CLYBL: variants seen among roughly 807,000 people sequenced by gnomAD.
CLYBL encodes the protein citramalyl-CoA lyase, mitochondrial.
In CLYBL, 31 loss-of-function variants were observed where a neutral mutation model predicts 38.9. The observed-to-expected ratio is 0.80, with a 90% CI of 0.60 to 1.08. The LOEUF (loss-of-function observed/expected upper bound fraction) is 1.08, where lower values mean the gene tolerates loss of function less well. Among genes scored for constraint, CLYBL ranks in the 50% least tolerant of loss-of-function variants. CLYBL has a pLI of 0.00. For missense variants in CLYBL, 434 were observed against 411.6 expected, an observed-to-expected ratio of 1.05 and a Z score of -0.47; for synonymous variants, 171 against 158.6, an observed-to-expected ratio of 1.08 and a Z score of -0.59.
chr13:99,818,617 C>T (rs1197648558), intron 2 of CLYBL, among the ~76,000 whole-genome samples: 2 of 152,236 alleles, frequency 1.3e-5, no homozygotes, highest in East Asian at 1.9e-4. Flanking sequence ...AAATGTGTTG[C>T]GAAGTCATTT....
chr13:99,857,899 CT>C (rs1454840211), intron 2 of CLYBL, among the ~76,000 whole-genome samples: 96 of 152,248 alleles, frequency 6.3e-4, no homozygotes, highest in African/African-American at 2.2e-3. Context: ...AATGAAACTA[CT>C]TTTGATAAGT....
At chr13:99,626,265 C>T (rs1043182368) in intron 1 of CLYBL, among the ~76,000 whole-genome samples, 6 of 152,096 alleles carry the variant, frequency 3.9e-5, no homozygotes, top group Non-Finnish European at 7.4e-5. Context: ...GGCACAGGCC[C>T]GGTAGGGGAG....
chr13:99,660,519 T>C (rs1217409034), intron 1 of CLYBL, among the ~76,000 whole-genome samples: 2 of 152,198 alleles, frequency 1.3e-5, no homozygotes, highest in Non-Finnish European at 2.9e-5. Flanking sequence ...CCCCTGCATC[T>C]ACCCATTAAG....
chr13:99,636,588 A>G (rs1394387850), intron 1 of CLYBL, among the ~76,000 whole-genome samples: 1 of 152,168 alleles, frequency 6.6e-6, no homozygotes, highest in East Asian at 1.9e-4. Flanking sequence ...GGGCTGTTTG[A>G]GTATCAGCCA....
At chr13:99,769,989 A>G (rs1162430801) in intron 1 of CLYBL, among the ~76,000 whole-genome samples, 1 of 152,054 alleles carries the variant, frequency 6.6e-6, no homozygotes, top group African/African-American at 2.4e-5. Flanking sequence ...TATAGCTGAC[A>G]TATATATTTT....
At chr13:99,731,671 G>T (rs550449865) in intron 1 of CLYBL, among the ~76,000 whole-genome samples, 2 of 152,304 alleles carry the variant, frequency 1.3e-5, no homozygotes, top group South Asian at 2.1e-4. Flanking sequence ...GGGTAGATAG[G>T]TGTTAGCAGG....
At chr13:99,901,502 G>A (rs1415457360), downstream of CLYBL, among the ~76,000 whole-genome samples, 2 of 152,090 alleles carry the variant, frequency 1.3e-5, no homozygotes, top group Non-Finnish European at 2.9e-5. Context: ...GAGACCCCGA[G>A]AGAGACCCCG....
intron 1 of CLYBL, among the ~76,000 whole-genome samples, chr13:99,727,907 G>T (rs927645220): frequency 1.3e-5 from 2 of 152,080 alleles, no homozygotes; most frequent in Non-Finnish European, 2.9e-5. Context: ...GTGAAATCCT[G>T]TCTCTACTAA....
chr13:99,679,678 C>A (rs982781147), intron 1 of CLYBL, among the ~76,000 whole-genome samples: 1 of 151,622 alleles, frequency 6.6e-6, no homozygotes, highest in Non-Finnish European at 1.5e-5. Flanking sequence ...AATGAGTAAC[C>A]ACAATCCACT....
At chr13:99,628,568 C>A (rs1200600038) in intron 1 of CLYBL, among the ~76,000 whole-genome samples, 2 of 152,186 alleles carry the variant, frequency 1.3e-5, no homozygotes, top group Non-Finnish European at 1.5e-5. Context: ...TTATGTGAAA[C>A]CATTAGCAGC....
intron 2 of CLYBL, among the ~76,000 whole-genome samples, chr13:99,807,805 C>T (rs569796108): frequency 2.0e-5 from 3 of 152,024 alleles, no homozygotes; most frequent in East Asian, 3.9e-4. Context: ...AGGTATGTTT[C>T]ACCATAATAA....
intron 7 of CLYBL, among the ~76,000 whole-genome samples, chr13:99,883,710 G>A (rs1233103502): frequency 6.6e-6 from 1 of 152,034 alleles, no homozygotes; most frequent in African/African-American, 2.4e-5. Context: ...TATGTCACTG[G>A]TGACCAGAGA....
intron 1 of CLYBL, among the ~76,000 whole-genome samples, chr13:99,702,493 G>A (rs149282755): frequency 8.5e-5 from 13 of 152,074 alleles, no homozygotes; most frequent in South Asian, 2.1e-4. Flanking sequence ...TTAGCCGGGC[G>A]TGGTGTCGCA....
intron 1 of CLYBL, among the ~76,000 whole-genome samples, chr13:99,694,451 G>T (rs532056841): frequency 1.3e-5 from 2 of 152,140 alleles, no homozygotes; most frequent in Non-Finnish European, 2.9e-5. Context: ...TTTCAGCCTC[G>T]AAGTGAGAGG....
intron 7 of CLYBL, among the ~76,000 whole-genome samples, chr13:99,880,068 ATTTT>A (rs1555324345): frequency 4.0e-5 from 4 of 101,186 alleles, no homozygotes; most frequent in African/African-American, 1.6e-4. Flanking sequence ...ATATATATAT[ATTTT>A]TTTTTTTTTT....
rs1375141374 is a variant in CLYBL at position 99,712,507 on chromosome 13, G to GT, written c.63-60310dup. Among the ~76,000 whole-genome samples the GT allele has an allele frequency of 6.7e-5, 10 of 149,156 alleles. No individual in the cohort carries two copies. The South Asian group carries it at 2.0e-3, about 29-fold the overall frequency. On this transcript the variant is annotated intron_variant, in intron 1 of 8. Transcript: ENST00000339105. ...GTGCCACCATACCCAGCTAATTTTT[G>GT]TTTTTTTGAGTTTTTTTTTTGGTAG... is the stretch of plus-strand genomic sequence containing the variant.
chr13:99,773,953 G>A (rs991926511), intron 2 of CLYBL, among the ~76,000 whole-genome samples: 3 of 152,070 alleles, frequency 2.0e-5, no homozygotes, highest in Admixed American at 6.6e-5. Context: ...TTGTAGGCCG[G>A]ATGAGGTGGC....
At chr13:99,642,220 T>C (rs533795301) in intron 1 of CLYBL, among the ~76,000 whole-genome samples, 1 of 152,276 alleles carries the variant, frequency 6.6e-6, no homozygotes, top group Admixed American at 6.5e-5. Context: ...GCCCTGTGCA[T>C]GCTGACTCTT....
Position 99,663,574 on chromosome 13 carries a change from T to TG in CLYBL, c.62+56821dup, listed in dbSNP as rs987663748. Reference sequence around the variant, plus strand: ...GGAGTTCGGGACATGCCTTGGTTTGTGGGGACCATGCTGCCTGCCTGTCGA... The same window carrying TG: ...GGAGTTCGGGACATGCCTTGGTTTGTGGGGGACCATGCTGCCTGCCTGTCGA... On this transcript the variant is annotated intron_variant, in intron 1 of 8. Transcript: ENST00000339105. 1.5e-3 allele frequency among the ~76,000 whole-genome samples: 223 copies of TG among 152,292 alleles called. 2 individuals are homozygous for TG. The highest frequency in any genetic ancestry group is 5.0e-3 in the African/African-American group (208 of 41,568).
Sources: allele counts gnomAD v4.1 joint callset (sites outside exome capture counted in the v4.1 genomes callset), GRCh38; gene constraint gnomAD v4.1.1; transcripts MANE v1.5; gene names NCBI Gene and HGNC (gene_info 2026-07-23, HGNC 2026-07-21).